Variants in KLRG1 observed in about 807,000 individuals in gnomAD.
The protein encoded by KLRG1 is killer cell lectin-like receptor subfamily G member 1.
A neutral mutation model predicts 21.8 loss-of-function variants in KLRG1; 16 were observed. The observed-to-expected ratio is 0.73, with a 90% CI of 0.50 to 1.11. The LOEUF is 1.11. Among genes scored for constraint, KLRG1 ranks in the 50% most tolerant of loss-of-function variants. The pLI is 0.00. For missense variants in KLRG1, 173 were observed against 218.3 expected (o/e 0.79, Z 1.31); for synonymous variants, 69 against 75.9 (o/e 0.91, Z 0.47).
the KLRG1 span, chr12:9,164,043 G>A: frequency 6.9e-7 from 1 of 1,450,482 alleles, no homozygotes; most frequent in South Asian, 1.3e-5. Context: ...TTATATCTAT[G>A]GCAAATAAAA....
At chr12:9,122,945 A>G in the KLRG1 span, among the ~76,000 whole-genome samples, 1 of 152,270 alleles carries the variant, frequency 6.6e-6, no homozygotes, top group East Asian at 1.9e-4. Context: ...TTTGGCAGTA[A>G]TTATAAATAA....
chr12:9,084,290 A>G, the KLRG1 span, among the ~76,000 whole-genome samples: 2 of 152,212 alleles, frequency 1.3e-5, no homozygotes, highest in Non-Finnish European at 2.9e-5. Context: ...CATATTCAAA[A>G]TACTCTATGA....
At chr12:9,125,418 C>A in the KLRG1 span, among the ~76,000 whole-genome samples, 1 of 152,084 alleles carries the variant, frequency 6.6e-6, no homozygotes, top group East Asian at 1.9e-4. Context: ...GCCAGAAAAT[C>A]GACACCTCAA....
chr12:9,145,442 C>T, the KLRG1 span, among the ~76,000 whole-genome samples: 1 of 152,166 alleles, frequency 6.6e-6, no homozygotes, highest in African/African-American at 2.4e-5. Context: ...CATACAAAAA[C>T]TTTGCCCTTT....
At chr12:9,112,959 T>A in the KLRG1 span, among the ~76,000 whole-genome samples, 4 of 152,192 alleles carry the variant, frequency 2.6e-5, no homozygotes, top group African/African-American at 9.7e-5. Flanking sequence ...ACACCTTTGC[T>A]CAGGGTAATT....
At chr12:9,104,507 C>A in the KLRG1 span, 1 of 1,215,514 alleles carries the variant, frequency 8.2e-7, no homozygotes, top group African/African-American at 1.6e-5. Flanking sequence ...AACATGGTTC[C>A]AGGCACTGAG....
the KLRG1 span, among the ~76,000 whole-genome samples, chr12:9,209,767 A>G: frequency 6.6e-6 from 1 of 152,130 alleles, no homozygotes; most frequent in Admixed American, 6.6e-5. Context: ...ATCCATATTT[A>G]TGTAAATAAT....
chr12:9,098,657 C>T, the KLRG1 span: 2 of 1,610,278 alleles, frequency 1.2e-6, no homozygotes, highest in Non-Finnish European at 1.7e-6. Flanking sequence ...ACGCTTTGGT[C>T]CACAGCACGG....
At chr12:9,070,583 G>A in the KLRG1 span, 1 of 1,603,364 alleles carries the variant, frequency 6.2e-7, no homozygotes, top group Non-Finnish European at 8.5e-7. Flanking sequence ...GTGTAACTGA[G>A]GATCCAGGGG....
the KLRG1 span, chr12:9,112,374 T>A: frequency 1.9e-6 from 3 of 1,613,206 alleles, no homozygotes; most frequent in Non-Finnish European, 1.7e-6. Context: ...GGCTTCTTCA[T>A]ACCTGTCTGC....
At chr12:9,204,811 T>C in the KLRG1 span, among the ~76,000 whole-genome samples, 4 of 152,056 alleles carry the variant, frequency 2.6e-5, no homozygotes, top group South Asian at 6.2e-4. Context: ...ACAAACAGGT[T>C]CAGGCTGGGA....
chr12:9,155,362 A>G, the KLRG1 span, among the ~76,000 whole-genome samples: 1 of 152,046 alleles, frequency 6.6e-6, no homozygotes, highest in African/African-American at 2.4e-5. Flanking sequence ...AGAGTTAACT[A>G]CTTCCATTGT....
chr12:9,024,238 G>A, the KLRG1 span, among the ~76,000 whole-genome samples: 1 of 151,586 alleles, frequency 6.6e-6, no homozygotes, highest in Non-Finnish European at 1.5e-5. Flanking sequence ...TGTTGGCCGG[G>A]CTAGTCTCAA....
chr12:9,090,405 A>G, the KLRG1 span: 328 of 1,613,920 alleles, frequency 2.0e-4, no homozygotes, highest in Admixed American at 3.7e-4. Flanking sequence ...GCCCGTTTGC[A>G]CAGATGCAGT....
chr12:9,204,035 T>C, the KLRG1 span: 10 of 1,290,014 alleles, frequency 7.8e-6, no homozygotes, highest in Middle Eastern at 2.5e-4. Flanking sequence ...TAACAATATG[T>C]ATTAATTGGT....
intron 1 of KLRG1, among the ~76,000 whole-genome samples, chr12:8,970,807 T>C (rs1221773566): frequency 6.6e-6 from 1 of 152,214 alleles, no homozygotes; most frequent in Non-Finnish European, 1.5e-5. Context: ...CAGACCTTAT[T>C]TATTCTGAAT....
At chr12:8,966,293 C>A (rs900750077) in intron 1 of KLRG1, among the ~76,000 whole-genome samples, 2 of 152,100 alleles carry the variant, frequency 1.3e-5, no homozygotes, top group Non-Finnish European at 2.9e-5. Flanking sequence ...GACTTCATGT[C>A]TAAAACACCA....
the KLRG1 span, chr12:9,070,640 A>G: frequency 8.5e-6 from 10 of 1,176,772 alleles, no homozygotes; most frequent in East Asian, 1.5e-4. Context: ...TTCTTCTTCT[A>G]TGTCCATGTT....
the KLRG1 span, among the ~76,000 whole-genome samples, chr12:9,190,507 G>A: frequency 2.6e-5 from 4 of 151,968 alleles, no homozygotes; most frequent in African/African-American, 7.3e-5. Context: ...GGTGGAGGGC[G>A]GGAGGAGGGA....
Sources: allele counts gnomAD v4.1 joint callset (sites outside exome capture counted in the v4.1 genomes callset), GRCh38; gene constraint gnomAD v4.1.1; transcripts MANE v1.5; gene names NCBI Gene and HGNC (gene_info 2026-07-23, HGNC 2026-07-21).